Variants in HEATR5A observed in about 807,000 individuals in gnomAD.
HEATR5A encodes HEAT repeat-containing protein 5A.
Under a neutral mutation model 218.8 loss-of-function variants are expected in HEATR5A, and 178 were observed. That is an observed-to-expected ratio of 0.81 (90% CI 0.72 to 0.92). HEATR5A has a LOEUF of 0.92. Ranked by LOEUF, HEATR5A falls within the 40% of genes least tolerant of loss-of-function variation. HEATR5A has a pLI of 0.00. For missense variants in HEATR5A, 2,420 were observed against 2,418.9 expected (o/e 1.00, Z -0.01); for synonymous variants, 864 against 871.6 (o/e 0.99, Z 0.15).
intron 33 of HEATR5A, among the ~76,000 whole-genome samples, chr14:31,300,450 C>T (rs765564098): frequency 2.0e-5 from 3 of 151,962 alleles, no homozygotes; most frequent in Non-Finnish European, 2.9e-5. Context: ...TCCTTTAAGG[C>T]GTTGACTCTT....
At chr14:31,332,199 G>A (rs1272460766) in intron 22 of HEATR5A, among the ~76,000 whole-genome samples, 1 of 152,208 alleles carries the variant, frequency 6.6e-6, no homozygotes, top group East Asian at 1.9e-4. Context: ...GATGATCTGT[G>A]ATCAGTGATC....
At chr14:31,405,718 T>C (rs1191334420) in intron 1 of HEATR5A, among the ~76,000 whole-genome samples, 1 of 152,202 alleles carries the variant, frequency 6.6e-6, no homozygotes, top group African/African-American at 2.4e-5. Context: ...AAATTTCTTA[T>C]TAATACCAGG....
At chr14:31,336,211 TAC>T (rs776727980) in intron 22 of HEATR5A, among the ~76,000 whole-genome samples, 325 of 10,686 alleles carry the variant, frequency 0.03, 15 homozygotes, top group Non-Finnish European at 0.05. Context: ...TATATATACA[TAC>T]ATACATATAT....
intron 26 of HEATR5A, among the ~76,000 whole-genome samples, chr14:31,316,472 C>T (rs777953958): frequency 2.0e-5 from 3 of 151,900 alleles, no homozygotes; most frequent in Non-Finnish European, 4.4e-5. Flanking sequence ...CCAAAGGGAA[C>T]GAAGTCTAAG....
intron 1 of HEATR5A, among the ~76,000 whole-genome samples, chr14:31,417,668 T>C (rs1298466213): frequency 6.6e-6 from 1 of 151,366 alleles, no homozygotes; most frequent in Admixed American, 6.6e-5. Flanking sequence ...GAGAATCGCT[T>C]GAACCCAGGA....
In HEATR5A at chr14:31,315,769, C is replaced by G; in HGVS notation, c.4218+1G>C. 4 of 1,576,242 alleles carry G rather than the reference C, an allele frequency of 2.5e-6. No homozygotes were observed. The highest frequency in any genetic ancestry group is 3.4e-6 in the Non-Finnish European group (4 of 1,160,444). ...CCAGTTACAAATTAAGAAATACCAA[C>G]CTCTGCCCAGGCTTTAAGCACAGCT... On this transcript the variant is annotated splice_donor_variant, in intron 27 of 35. Transcript: ENST00000543095. LOFTEE classifies it high-confidence loss of function.
At chr14:31,295,235 C>A (rs886415222) in intron 34 of HEATR5A, among the ~76,000 whole-genome samples, 1 of 151,986 alleles carries the variant, frequency 6.6e-6, no homozygotes. Flanking sequence ...ATTCATATTA[C>A]TGAAGGTATG....
rs1022680079 is a variant in HEATR5A at position 31,326,282 on chromosome 14, G to C, written c.3428C>G (p.Thr1143Arg). 14 of 1,612,982 alleles carry C rather than the reference G, an allele frequency of 8.7e-6. No homozygotes were observed. Among genetic ancestry groups the C allele is most frequent in the Non-Finnish European group, 1.2e-5 (14 of 1,179,280 alleles). ...GALLILLDKE[T>R]DERLCHDIKE... ...GATATCATGGCATAATCTCTCATCTGTCTCCTTGTCTAGTAAGATCAACAA... is the reference window on the plus strand; with the variant it reads ...GATATCATGGCATAATCTCTCATCTCTCTCCTTGTCTAGTAAGATCAACAA... Residue 1143 changes from threonine (T) to arginine (R), a missense_variant, in exon 23 of 36, where the codon ACA becomes AGA. Transcript: ENST00000543095.
At chr14:31,340,380 C>G in intron 21 of HEATR5A, 2 of 1,011,414 alleles carry the variant, frequency 2.0e-6, no homozygotes, top group Non-Finnish European at 2.7e-6. Context: ...CATCTACAAC[C>G]AAAAAATGAC....
At chr14:31,369,622 A>C (rs1246328075) in intron 13 of HEATR5A, among the ~76,000 whole-genome samples, 2 of 148,992 alleles carry the variant, frequency 1.3e-5, no homozygotes, top group African/African-American at 2.5e-5. Flanking sequence ...AAAAAAAAAA[A>C]AAAAAAAAAA....
intron 13 of HEATR5A, among the ~76,000 whole-genome samples, chr14:31,368,725 ATTT>A (rs796242058): frequency 2.0e-5 from 1 of 48,850 alleles, no homozygotes; most frequent in African/African-American, 5.4e-5. Flanking sequence ...TTATTTATTT[ATTT>A]ATTTATTTAT....
At chr14:31,392,507 T>G (rs962018615) in intron 6 of HEATR5A, among the ~76,000 whole-genome samples, 1 of 152,194 alleles carries the variant, frequency 6.6e-6, no homozygotes, top group African/African-American at 2.4e-5. Flanking sequence ...TCCAATCTCA[T>G]AGCTTAAATT....
At position 31,327,228 on chromosome 14, in the gene HEATR5A, A is replaced by T. The variant is rs1450439496; in HGVS notation, c.3368-886T>A. Among the ~76,000 whole-genome samples, 3 of 143,482 alleles carry T rather than the reference A, an allele frequency of 2.1e-5. No homozygotes were observed. In the East Asian group the frequency reaches 6.2e-4, roughly 30 times the overall value. The allele number at this position is 143,482 out of a possible 152,430, so 94.1% of individuals were successfully genotyped here. A position where few individuals can be genotyped will look rare whatever the true frequency, so the allele number is the denominator to read the frequency against. On this transcript the variant is annotated intron_variant, in intron 22 of 35. Transcript: ENST00000543095. ...GACCTCAAGTGATCCACCCACCTTA[A>T]CCTCCCAAAGTGCTGGGATTATAGG... is the stretch of plus-strand genomic sequence containing the variant.
At chr14:31,405,667 T>G (rs370730187) in intron 1 of HEATR5A, among the ~76,000 whole-genome samples, 96 of 152,314 alleles carry the variant, frequency 6.3e-4, no homozygotes, top group African/African-American at 2.2e-3. Flanking sequence ...TTAGTATCTA[T>G]GATTGTTTGG....
intron 1 of HEATR5A, among the ~76,000 whole-genome samples, chr14:31,413,385 CTTTTTTTT>C (rs533855913): frequency 7.8e-6 from 1 of 127,958 alleles, no homozygotes; most frequent in Non-Finnish European, 1.7e-5. Context: ...ACTCTGCCTT[CTTTTTTTT>C]TTTTTTTTTC....
At chr14:31,358,149 A>C (rs1350322358) in intron 16 of HEATR5A, among the ~76,000 whole-genome samples, 1 of 152,196 alleles carries the variant, frequency 6.6e-6, no homozygotes, top group Non-Finnish European at 1.5e-5. Flanking sequence ...CCATGGACGA[A>C]CTGTCTTTCG....
In HEATR5A at chr14:31,301,206, G is replaced by T. The variant is rs999488237; in HGVS notation, c.5464+1089C>A. On this transcript the variant is annotated intron_variant, in intron 33 of 35. Transcript: ENST00000543095. ...TTTTTATAATCACTACAACACACTA[G>T]TGAAAATAAAAACCTCATAAAAATA... Among the ~76,000 whole-genome samples, 3 of 152,214 alleles carry T rather than the reference G, an allele frequency of 2.0e-5. No homozygotes were observed. The South Asian group carries it at 6.2e-4, about 32-fold the overall frequency.
At chr14:31,415,857 G>A (rs970815559) in intron 1 of HEATR5A, among the ~76,000 whole-genome samples, 3 of 151,860 alleles carry the variant, frequency 2.0e-5, no homozygotes, top group Non-Finnish European at 4.4e-5. Context: ...AGCATTACTT[G>A]GGCAATACAG....
intron 22 of HEATR5A, among the ~76,000 whole-genome samples, chr14:31,327,545 C>T (rs1900311762): frequency 1.3e-5 from 2 of 151,794 alleles, no homozygotes; most frequent in Non-Finnish European, 2.9e-5. Context: ...CATGCCTAGG[C>T]CTCCCAAAGT....
Sources: allele counts gnomAD v4.1 joint callset (sites outside exome capture counted in the v4.1 genomes callset), GRCh38; gene constraint gnomAD v4.1.1; transcripts MANE v1.5; gene names NCBI Gene and HGNC (gene_info 2026-07-23, HGNC 2026-07-21).